NPAS2: variants seen among roughly 807,000 people sequenced by gnomAD.
NPAS2 encodes neuronal PAS domain-containing protein 2.
NPAS2 carries 23 observed loss-of-function variants against 107.5 expected under a neutral mutation model. That is an observed-to-expected ratio of 0.21 (90% CI 0.15 to 0.30). The LOEUF (loss-of-function observed/expected upper bound fraction) is 0.30, where lower values mean the gene tolerates loss of function less well. NPAS2 is among the 10% of genes least tolerant of loss of function. The pLI is 1.00. For missense variants in NPAS2, 756 were observed against 1,043.3 expected, an observed-to-expected ratio of 0.72 and a Z score of 3.79; for synonymous variants, 403 against 417.5, an observed-to-expected ratio of 0.97 and a Z score of 0.42.
chr2:100,991,458 G>C (rs1385977841), intron 19 of NPAS2, among the ~76,000 whole-genome samples: 1 of 152,238 alleles, frequency 6.6e-6, no homozygotes, highest in Admixed American at 6.5e-5. Context: ...GGCAGAAATA[G>C]AGCTATCACA....
At chr2:100,962,601 G>A (rs1366858040) in intron 7 of NPAS2, among the ~76,000 whole-genome samples, 1 of 152,234 alleles carries the variant, frequency 6.6e-6, no homozygotes, top group African/African-American at 2.4e-5. Context: ...TTAGGGCCCA[G>A]GCAGCGGTGC....
intron 2 of NPAS2, among the ~76,000 whole-genome samples, chr2:100,914,860 C>T (rs1682772366): frequency 1.3e-5 from 2 of 152,194 alleles, no homozygotes; most frequent in South Asian, 4.1e-4. Context: ...CATTTGAGGA[C>T]CCTGAAGAGT....
At chr2:100,897,102 T>C (rs1017403415) in intron 1 of NPAS2, among the ~76,000 whole-genome samples, 1 of 152,134 alleles carries the variant, frequency 6.6e-6, no homozygotes, top group South Asian at 2.1e-4. Context: ...AAGCCCCTTA[T>C]AAAACCATCA....
At chr2:100,955,906 T>G (rs1274149272) in intron 7 of NPAS2, among the ~76,000 whole-genome samples, 1 of 152,082 alleles carries the variant, frequency 6.6e-6, no homozygotes, top group Non-Finnish European at 1.5e-5. Context: ...GTTTTTTGTT[T>G]GTTTGTTTGT....
intron 1 of NPAS2, among the ~76,000 whole-genome samples, chr2:100,856,837 G>T (rs11691441): frequency 1.3e-5 from 2 of 152,178 alleles, no homozygotes; most frequent in Non-Finnish European, 2.9e-5. Context: ...CTTGCACCCT[G>T]ACCTTTTCAG....
At chr2:100,984,407 A>T (rs1412743889) in intron 16 of NPAS2, 8 of 152,374 alleles carry the variant, frequency 5.3e-5, no homozygotes, top group Admixed American at 5.2e-4. Flanking sequence ...AATAAGAATG[A>T]CAAAACACTG....
chr2:100,964,227 C>T (rs758072087), intron 8 of NPAS2, 51 bp downstream of exon 8: 2 of 1,171,536 alleles, frequency 1.7e-6, no homozygotes, highest in South Asian at 2.4e-5. Context: ...GATTGACTCA[C>T]ATTTTGTTAT....
chr2:100,956,539 T>A (rs1325339045), intron 7 of NPAS2, among the ~76,000 whole-genome samples: 3 of 152,162 alleles, frequency 2.0e-5, no homozygotes, highest in Admixed American at 1.3e-4. Context: ...GCAAAGGACA[T>A]GTTTTCATTC....
chr2:100,836,298 G>C (rs1219830291), intron 1 of NPAS2, among the ~76,000 whole-genome samples: 3 of 152,186 alleles, frequency 2.0e-5, no homozygotes, highest in African/African-American at 4.8e-5. Context: ...TCCCAGAGAG[G>C]TGGGATCAGC....
chr2:100,835,351 C>G (rs774116342), intron 1 of NPAS2, among the ~76,000 whole-genome samples: 8 of 152,132 alleles, frequency 5.3e-5, no homozygotes, highest in Non-Finnish European at 7.4e-5. Context: ...TAAATCAAAT[C>G]CAGCATCTGA....
chr2:100,839,691 CT>C (rs1325929487), intron 1 of NPAS2, among the ~76,000 whole-genome samples: 4 of 152,234 alleles, frequency 2.6e-5, no homozygotes, highest in African/African-American at 4.8e-5. Context: ...GTTGGTGCCC[CT>C]GACCCCTGCA....
At chr2:100,911,115 T>TA (rs1682520148) in intron 2 of NPAS2, among the ~76,000 whole-genome samples, 1 of 152,254 alleles carries the variant, frequency 6.6e-6, no homozygotes, top group African/African-American at 2.4e-5. Context: ...TGGAGAATTT[T>TA]AGGGCTTCTC....
chr2:100,882,985 C>G (rs1192336861), intron 1 of NPAS2, among the ~76,000 whole-genome samples: 6 of 152,136 alleles, frequency 3.9e-5, no homozygotes, highest in Admixed American at 3.9e-4. Context: ...ATGGAAGTTG[C>G]TCTCATCTGT....
intron 7 of NPAS2, among the ~76,000 whole-genome samples, chr2:100,961,475 G>A (rs895520): frequency 0.35 from 52,992 of 151,892 alleles, 9,807 homozygotes; most frequent in Middle Eastern, 0.52. Context: ...GCATATTGAA[G>A]AGAGAAGTTG....
At chr2:100,884,131 C>T (rs545767955) in intron 1 of NPAS2, among the ~76,000 whole-genome samples, 33 of 152,316 alleles carry the variant, frequency 2.2e-4, no homozygotes, top group Non-Finnish European at 3.4e-4. Context: ...AAACTCAGTA[C>T]TGTGGCTGAG....
chr2:100,871,623 G>A (rs373580989), intron 1 of NPAS2, among the ~76,000 whole-genome samples: 17 of 152,116 alleles, frequency 1.1e-4, no homozygotes, highest in African/African-American at 3.6e-4. Context: ...GAGCCACCAC[G>A]CCTGGCCTGC....
At chr2:100,963,210 T>C (rs1230788132) in intron 7 of NPAS2, among the ~76,000 whole-genome samples, 2 of 152,150 alleles carry the variant, frequency 1.3e-5, no homozygotes, top group African/African-American at 4.8e-5. Context: ...ACAGAGGCCC[T>C]TGAACCCCAG....
chr2:100,864,028 A>G (rs546387484), intron 1 of NPAS2, among the ~76,000 whole-genome samples: 1 of 152,356 alleles, frequency 6.6e-6, no homozygotes, highest in South Asian at 2.1e-4. Context: ...GACTGGGCTA[A>G]TTGTGAAAGC....
chr2:100,897,265 A>G (rs1681471638), intron 1 of NPAS2, among the ~76,000 whole-genome samples: 1 of 152,080 alleles, frequency 6.6e-6, no homozygotes, highest in Non-Finnish European at 1.5e-5. Flanking sequence ...GCCAAACCAT[A>G]TCATAGCTGG....
Sources: gnomAD v4.1 joint callset for allele counts (sites outside exome capture counted in the v4.1 genomes callset) on GRCh38, gnomAD v4.1.1 for gene constraint, MANE v1.5 for transcripts, NCBI Gene and HGNC (gene_info 2026-07-23, HGNC 2026-07-21) for gene names.